The following RAPGEF1 variants were observed in gnomAD, a reference collection of about 807,000 sequenced individuals.
RAPGEF1 encodes the protein Rap guanine nucleotide exchange factor 1, also known as CRK SH3-binding GNRP.
A neutral mutation model predicts 143.3 loss-of-function variants in RAPGEF1; 33 were observed. That is an observed-to-expected ratio of 0.23 (90% CI 0.17 to 0.31). The LOEUF (loss-of-function observed/expected upper bound fraction) is 0.31, where lower values mean the gene tolerates loss of function less well. RAPGEF1 is among the 10% of genes least tolerant of loss of function. The probability of loss-of-function intolerance (pLI) is 1.00; values close to 1 mark genes in which losing one functional copy is unlikely to be tolerated. For synonymous variants in RAPGEF1, 629 were observed against 676.5 expected (o/e 0.93, Z 1.09); for missense variants, 1,199 against 1,645.4 (o/e 0.73, Z 4.69).
intron 1 of RAPGEF1, among the ~76,000 whole-genome samples, chr9:131,657,011 C>G (rs1016999096): frequency 6.6e-6 from 1 of 152,222 alleles, no homozygotes; most frequent in African/African-American, 2.4e-5. Context: ...CTTCTCAACG[C>G]TGGAAATCGA....
chr9:131,611,866 T>C (rs1431289368), intron 12 of RAPGEF1, among the ~76,000 whole-genome samples: 1 of 152,140 alleles, frequency 6.6e-6, no homozygotes. Flanking sequence ...AATTAAGCAG[T>C]TCAAAAATGG....
At chr9:131,597,984 A>G (rs924975746) in intron 16 of RAPGEF1, among the ~76,000 whole-genome samples, 1 of 152,156 alleles carries the variant, frequency 6.6e-6, no homozygotes, top group African/African-American at 2.4e-5. Flanking sequence ...CCTGTGTAAG[A>G]TGACTTTCTA....
chr9:131,670,529 A>T (rs904972998), intron 1 of RAPGEF1, among the ~76,000 whole-genome samples: 1 of 152,240 alleles, frequency 6.6e-6, no homozygotes, highest in Non-Finnish European at 1.5e-5. Context: ...CTTCCAGGCC[A>T]GGACTGCTTG....
intron 1 of RAPGEF1, among the ~76,000 whole-genome samples, chr9:131,700,091 G>T: frequency 6.6e-6 from 1 of 152,134 alleles, no homozygotes. Context: ...ATGCTCAGGA[G>T]AAAACCACTG....
At chr9:131,737,711 T>A (rs746570897) in intron 1 of RAPGEF1, among the ~76,000 whole-genome samples, 1 of 152,080 alleles carries the variant, frequency 6.6e-6, no homozygotes, top group Non-Finnish European at 1.5e-5. Context: ...ACGCATGTAA[T>A]CCCAACACTT....
chr9:131,584,461 G>A lies in RAPGEF1; in HGVS notation c.3313-49C>T, dbSNP rs780591697. The stretch of plus-strand genomic sequence containing the variant: ...TGAGGCAGGAGGGCAGGCGGGTCCC[G>A]GGCTCCCAGAGCAGGGACTGATGAT... On this transcript the variant is annotated intron_variant, in intron 23 of 26. Transcript: ENST00000683357. The surrounding 1 kb of genome is among the most constrained non-coding windows in gnomAD (Gnocchi z 6.8). 15 of 1,612,120 alleles carry A rather than the reference G, an allele frequency of 9.3e-6. No homozygotes were observed. Among genetic ancestry groups the A allele is most frequent in the African/African-American group, 1.3e-5 (1 of 75,018 alleles).
intron 1 of RAPGEF1, among the ~76,000 whole-genome samples, chr9:131,692,399 A>G (rs771727013): frequency 6.6e-6 from 1 of 152,204 alleles, no homozygotes; most frequent in Non-Finnish European, 1.5e-5. Context: ...GAATTCTTCT[A>G]CTTTCCTATT....
chr9:131,739,875 C>G lies in RAPGEF1; in HGVS notation c.-45G>C, dbSNP rs947591502. On this transcript the variant is annotated 5_prime_UTR_variant, in exon 1 of 27. Transcript: ENST00000683357. The stretch of plus-strand genomic sequence containing the variant: ...CGCGGGGCGACAGGGGCGGCGCGCC[C>G]GCCGCTCGCCTCGGCCCTGGCTCGC... The G allele has an allele frequency of 2.4e-5, 24 of 983,646 alleles. No individual in the cohort carries two copies. The highest frequency in any genetic ancestry group is 2.9e-5 in the Non-Finnish European group (24 of 829,236). 60.9% of individuals were successfully genotyped at this position (983,646 alleles called of 1,614,324 possible).
At chr9:131,598,573 G>A (rs909680031) in intron 15 of RAPGEF1, 10 of 589,476 alleles carry the variant, frequency 1.7e-5, no homozygotes, top group Middle Eastern at 2.6e-4. Flanking sequence ...CCATTAAGCT[G>A]TTTGAGTGAT....
chr9:131,630,400 G>T, intron 5 of RAPGEF1, 76 bp from the exon 6 acceptor site: 2 of 1,403,756 alleles, frequency 1.4e-6, no homozygotes, highest in Non-Finnish European at 2.0e-6. Context: ...GGCAGGTGCT[G>T]TCTGTCCTCT....
intron 1 of RAPGEF1, among the ~76,000 whole-genome samples, chr9:131,700,372 A>G (rs1026591986): frequency 1.5e-4 from 23 of 152,116 alleles, no homozygotes; most frequent in African/African-American, 5.6e-4. Context: ...ATGTAAAACT[A>G]ACAACCCTCT....
chr9:131,666,362 G>A (rs1197860162), intron 1 of RAPGEF1, among the ~76,000 whole-genome samples: 1 of 152,016 alleles, frequency 6.6e-6, no homozygotes, highest in East Asian at 1.9e-4. Flanking sequence ...AACATAGTGT[G>A]AACCACATAT....
intron 1 of RAPGEF1, among the ~76,000 whole-genome samples, chr9:131,672,212 C>T (rs922101398): frequency 6.6e-6 from 1 of 152,192 alleles, no homozygotes; most frequent in African/African-American, 2.4e-5. Flanking sequence ...AAGGCAGAGG[C>T]TAATAAGCTT....
intron 1 of RAPGEF1, among the ~76,000 whole-genome samples, chr9:131,721,893 C>T (rs1836293459): frequency 6.6e-6 from 1 of 152,094 alleles, no homozygotes. Context: ...AGTACTATGC[C>T]ATTTTGCATC....
chr9:131,625,876 C>A, intron 10 of RAPGEF1, 46 bp downstream of exon 10: 3 of 1,508,288 alleles, frequency 2.0e-6, no homozygotes, highest in Non-Finnish European at 2.7e-6. Flanking sequence ...ACTGCCATTT[C>A]AGGTTATAAA....
At chr9:131,636,502 G>A (rs1426108074) in intron 5 of RAPGEF1, among the ~76,000 whole-genome samples, 3 of 152,080 alleles carry the variant, frequency 2.0e-5, no homozygotes, top group Non-Finnish European at 4.4e-5. Context: ...TAATGAAGTG[G>A]TGCTGTAATG....
At chr9:131,709,589 T>A in intron 1 of RAPGEF1, 1 of 1,608,404 alleles carries the variant, frequency 6.2e-7, no homozygotes, top group Non-Finnish European at 8.5e-7. Flanking sequence ...TCCTTGCTTC[T>A]TCCTGGAAAG....
intron 1 of RAPGEF1, among the ~76,000 whole-genome samples, chr9:131,686,234 C>A (rs1444396424): frequency 6.6e-6 from 1 of 152,172 alleles, no homozygotes. Flanking sequence ...GAAAGCAGCA[C>A]CAACAATATG....
intron 1 of RAPGEF1, among the ~76,000 whole-genome samples, chr9:131,738,913 C>T (rs933814289): frequency 6.6e-6 from 1 of 152,178 alleles, no homozygotes; most frequent in Non-Finnish European, 1.5e-5. Context: ...CTCATTCAGC[C>T]GCCAAGCTAA....
Sources: gnomAD v4.1 joint callset for allele counts (sites outside exome capture counted in the v4.1 genomes callset) on GRCh38, gnomAD v4.1.1 for gene constraint, Gnocchi (gnomAD v3.1) non-coding constraint, MANE v1.5 for transcripts, NCBI Gene and HGNC (gene_info 2026-07-23, HGNC 2026-07-21) for gene names.